The following PPP1R3B variants were observed in gnomAD, a reference collection of about 807,000 sequenced individuals.
The protein encoded by PPP1R3B is PP1 subunit R4.
A neutral mutation model predicts 14.6 loss-of-function variants in PPP1R3B; 8 were observed. That is an observed-to-expected ratio of 0.55 (90% CI 0.32 to 0.99). The LOEUF (loss-of-function observed/expected upper bound fraction) is 0.99, where lower values mean the gene tolerates loss of function less well. Ranked by LOEUF, PPP1R3B falls within the 50% of genes least tolerant of loss-of-function variation. The pLI is 0.04. For synonymous variants in PPP1R3B, 169 were observed against 142.0 expected, an observed-to-expected ratio of 1.19 and a Z score of -1.35; for missense variants, 452 against 360.1, an observed-to-expected ratio of 1.26 and a Z score of -2.07.
Position 9,140,563 on chromosome 8 carries a change from T to C in PPP1R3B, c.*231A>G. On this transcript the variant is annotated 3_prime_UTR_variant, in exon 2 of 2. Transcript: ENST00000310455. ...GCACAGACTCTCGTGGCTGCCACAGTGCGAAAGCGCGCCAGCCACCACTGC... is the reference window on the plus strand; with the variant it reads ...GCACAGACTCTCGTGGCTGCCACAGCGCGAAAGCGCGCCAGCCACCACTGC... 1 of 580,660 alleles carries C rather than the reference T, an allele frequency of 1.7e-6. No individual in the cohort carries two copies. The highest frequency in any genetic ancestry group is 3.1e-6 in the Non-Finnish European group (1 of 326,854). 36.0% of individuals were successfully genotyped at this position (580,660 alleles called of 1,614,324 possible).
At chr8:9,151,366 C>T (rs1426626389), upstream of PPP1R3B, 1 of 155,974 alleles carries the variant, frequency 6.4e-6, no homozygotes, top group African/African-American at 2.4e-5. Context: ...CTCATAAGTC[C>T]CGAGGGCAGA....
Position 9,138,801 on chromosome 8 carries a change from T to C in PPP1R3B, c.*1993A>G, listed in dbSNP as rs901108443. 2 of 152,032 alleles carry C rather than the reference T, an allele frequency of 1.3e-5. No individual in the cohort carries two copies. The highest frequency in any genetic ancestry group is 2.9e-5 in the Non-Finnish European group (2 of 67,998). 9.4% of individuals were successfully genotyped at this position (152,032 alleles called of 1,614,324 possible). On this transcript the variant is annotated 3_prime_UTR_variant, in exon 2 of 2. Transcript: ENST00000310455. ...TCCAAAAACAAACAAAAATAGAAAA[T>C]AAAAAACCAACTTCCTACAAGTATA...
chr8:9,150,177 A>C (rs1011730972), intron 1 of PPP1R3B, among the ~76,000 whole-genome samples: 11 of 151,838 alleles, frequency 7.2e-5, no homozygotes, highest in Non-Finnish European at 1.5e-4. Context: ...TCCCAGACCA[A>C]AGCTCTAATT....
At chr8:9,147,545 A>G (rs1801277773) in intron 1 of PPP1R3B, among the ~76,000 whole-genome samples, 1 of 151,990 alleles carries the variant, frequency 6.6e-6, no homozygotes. Flanking sequence ...AACTCTCAAG[A>G]TATTGTGGAA....
chr8:9,151,075 C>T (rs1801415757), upstream of PPP1R3B, among the ~76,000 whole-genome samples: 1 of 152,198 alleles, frequency 6.6e-6, no homozygotes. Flanking sequence ...GCAGCCGCAG[C>T]TCCCGGGTCA....
chr8:9,150,693 T>A (rs1244020315), upstream of PPP1R3B: 1 of 152,392 alleles, frequency 6.6e-6, no homozygotes, highest in Non-Finnish European at 1.5e-5. Context: ...TTCCCGGAGA[T>A]GTCGGCGGTG....
chr8:9,141,708 G>A, intron 1 of PPP1R3B, 40 bp from the exon 2 acceptor site: 1 of 1,566,160 alleles, frequency 6.4e-7, no homozygotes, highest in Non-Finnish European at 8.7e-7. Context: ...GAAAACAGTG[G>A]AGCAATCAGA....
Position 9,140,667 on chromosome 8 carries a change from T to C in PPP1R3B, c.*127A>G, listed in dbSNP as rs1030826438. Reference sequence around the variant, plus strand: ...TAAGAAAGAAGTGAAGAGGATCCTTTTATTTTCCCAAACGGGGCCTCATGG... The same window carrying C: ...TAAGAAAGAAGTGAAGAGGATCCTTCTATTTTCCCAAACGGGGCCTCATGG... On this transcript the variant is annotated 3_prime_UTR_variant, in exon 2 of 2. Transcript: ENST00000310455. 29 of 969,164 alleles carry C rather than the reference T, an allele frequency of 3.0e-5. No homozygotes were observed. Among genetic ancestry groups the C allele is most frequent in the Non-Finnish European group, 4.5e-6 (3 of 662,834 alleles). 60.0% of individuals were successfully genotyped at this position (969,164 alleles called of 1,614,324 possible). A position where few individuals can be genotyped will look rare whatever the true frequency, so the allele number is the denominator to read the frequency against.
In PPP1R3B at chr8:9,140,695, G is replaced by A. The variant is rs1176212917; in HGVS notation, c.*99C>T. ...TTTTCCCAAACGGGGCCTCATGGAA[G>A]TTCCACGTTGCTCCTCCCTGGCCTT... On this transcript the variant is annotated 3_prime_UTR_variant, in exon 2 of 2. Coordinates refer to ENST00000310455, the MANE Select transcript of PPP1R3B (RefSeq NM_024607.4). 5 of 1,301,658 alleles carry A rather than the reference G, an allele frequency of 3.8e-6. No individual in the cohort carries two copies. Among genetic ancestry groups the A allele is most frequent in the Non-Finnish European group, 5.3e-6 (5 of 943,874 alleles). 80.6% of individuals were successfully genotyped at this position (1,301,658 alleles called of 1,614,324 possible). A position where few individuals can be genotyped will look rare whatever the true frequency, so the allele number is the denominator to read the frequency against.
At chr8:9,142,761 C>G (rs1801127852) in intron 1 of PPP1R3B, among the ~76,000 whole-genome samples, 1 of 152,140 alleles carries the variant, frequency 6.6e-6, no homozygotes, top group South Asian at 2.1e-4. Context: ...TGAGATCATG[C>G]TATATTTGTC....
intron 1 of PPP1R3B, among the ~76,000 whole-genome samples, chr8:9,144,649 G>A (rs535360898): frequency 1.3e-5 from 2 of 152,174 alleles, no homozygotes; most frequent in East Asian, 3.9e-4. Flanking sequence ...CATTATAGGG[G>A]GAAAAAGATG....
At position 9,141,107 on chromosome 8, in the gene PPP1R3B, T is replaced by A; in HGVS notation, c.545A>T (p.Asp182Val). ...YTDFPCQYVKDTYAGSDRDTF... is the reference protein window; with the variant it reads ...YTDFPCQYVKVTYAGSDRDTF... ...GTCCCTGTCTGAACCGGCATAAGTG[T>A]CCTTCACGTACTGACAAGGAAAGTC... The change falls in exon 2 of 2, where the codon GAC (aspartate) becomes GTC (valine). Residue 182 changes from aspartate (D) to valine (V), a missense_variant. Coordinates refer to ENST00000310455, the MANE Select transcript of PPP1R3B (RefSeq NM_024607.4). The A allele has an allele frequency of 6.2e-7, 1 of 1,614,058 alleles. No homozygotes were observed. The highest frequency in any genetic ancestry group is 8.5e-7 in the Non-Finnish European group (1 of 1,180,026).
At chr8:9,150,941 T>C (rs1423891958), upstream of PPP1R3B, among the ~76,000 whole-genome samples, 1 of 152,218 alleles carries the variant, frequency 6.6e-6, no homozygotes, top group Non-Finnish European at 1.5e-5. Flanking sequence ...CGAAGCGGCT[T>C]GTCCTTAAGC....
intron 1 of PPP1R3B, among the ~76,000 whole-genome samples, chr8:9,147,343 T>C (rs1801273153): frequency 6.6e-6 from 1 of 152,110 alleles, no homozygotes; most frequent in Non-Finnish European, 1.5e-5. Flanking sequence ...AGGCTATATC[T>C]GGCATCCCAG....
chr8:9,144,428 A>T (rs1563127130), intron 1 of PPP1R3B, among the ~76,000 whole-genome samples: 1 of 152,252 alleles, frequency 6.6e-6, no homozygotes, highest in East Asian at 1.9e-4. Flanking sequence ...TCCTGGACTC[A>T]AGCAATCCTC....
At chr8:9,148,969 C>T (rs1801327266) in intron 1 of PPP1R3B, among the ~76,000 whole-genome samples, 1 of 150,946 alleles carries the variant, frequency 6.6e-6, no homozygotes, top group African/African-American at 2.4e-5. Flanking sequence ...GGGCGGATCA[C>T]GAGATCAGGA....
At chr8:9,149,204 A>AG (rs1801336939) in intron 1 of PPP1R3B, among the ~76,000 whole-genome samples, 1 of 140,518 alleles carries the variant, frequency 7.1e-6, no homozygotes, top group African/African-American at 2.7e-5. Context: ...AAAAAAAAAA[A>AG]AAAAGGCAAA....
intron 1 of PPP1R3B, among the ~76,000 whole-genome samples, chr8:9,146,419 G>T (rs1038017547): frequency 6.6e-6 from 1 of 152,152 alleles, no homozygotes; most frequent in African/African-American, 2.4e-5. Flanking sequence ...AGTGTCTTCT[G>T]TAAAGAGCTG....
Position 9,141,584 on chromosome 8 carries a change from G to C in PPP1R3B, c.68C>G (p.Ala23Gly), listed in dbSNP as rs771352941. The C allele has an allele frequency of 6.2e-7, 1 of 1,613,906 alleles. No individual in the cohort carries two copies. The highest frequency in any genetic ancestry group is 1.3e-5 in the African/African-American group (1 of 74,876). Residue 23 changes from alanine to glycine, a missense_variant, in exon 2 of 2, where the codon GCC becomes GGC. Transcript: ENST00000310455. ...GCTGGGCTTTGGTGAGATCTTAAAG[G>C]CAAACCTCTCTTGGCGCAAGGAAGG... ...MAPSLRQERF[A>G]FKISPKPSKP...
Sources: allele counts gnomAD v4.1 joint callset (sites outside exome capture counted in the v4.1 genomes callset), GRCh38; gene constraint gnomAD v4.1.1; transcripts MANE v1.5; gene names NCBI Gene and HGNC (gene_info 2026-07-23, HGNC 2026-07-21).